The following KYAT1 variants were observed in gnomAD, a reference collection of about 807,000 sequenced individuals.
KYAT1 encodes kynurenine--oxoglutarate transaminase 1.
Under a neutral mutation model 52.4 loss-of-function variants are expected in KYAT1, and 47 were observed. The observed-to-expected ratio is 0.90, with a 90% confidence interval of 0.71 to 1.14. KYAT1 has a LOEUF of 1.14. Ranked by LOEUF, KYAT1 falls within the 50% of genes most tolerant of loss-of-function variation. KYAT1 has a pLI of 0.00. For missense variants in KYAT1, 480 were observed against 557.9 expected, an observed-to-expected ratio of 0.86 and a Z score of 1.41; for synonymous variants, 212 against 209.6, an observed-to-expected ratio of 1.01 and a Z score of -0.10.
Position 128,833,654 on chromosome 9 carries a change from A to C in KYAT1, c.1210-11T>G. ...GAGCGTGGCTTCATCCTGCGCCAGCACAGATTAGTCCTACACTCTCCCCAT... is the reference window on the plus strand; with the variant it reads ...GAGCGTGGCTTCATCCTGCGCCAGCCCAGATTAGTCCTACACTCTCCCCAT... On this transcript the variant is annotated splice_polypyrimidine_tract_variant and intron_variant, in intron 12 of 12. Coordinates refer to ENST00000302586, the MANE Select transcript of KYAT1 (RefSeq NM_004059.5). The C allele has an allele frequency of 6.2e-7, 1 of 1,614,228 alleles. No homozygotes were observed. The highest frequency in any genetic ancestry group is 8.5e-7 in the Non-Finnish European group (1 of 1,180,032).
At chr9:128,834,108 AT>A (rs1830578883) in intron 11 of KYAT1, among the ~76,000 whole-genome samples, 1 of 152,134 alleles carries the variant, frequency 6.6e-6, no homozygotes, top group Admixed American at 6.5e-5. Flanking sequence ...AAATACAAAA[AT>A]TGGCCGGGTG....
At chr9:128,875,903 G>A (rs1262293705) in intron 1 of KYAT1, among the ~76,000 whole-genome samples, 3 of 152,144 alleles carry the variant, frequency 2.0e-5, no homozygotes, top group Admixed American at 2.0e-4. Context: ...CCCTGGGCCC[G>A]TGGAATGCAT....
intron 1 of KYAT1, among the ~76,000 whole-genome samples, chr9:128,875,106 T>C (rs1282506563): frequency 6.6e-6 from 1 of 152,112 alleles, no homozygotes; most frequent in Non-Finnish European, 1.5e-5. Context: ...ACTTTCCTCA[T>C]TTATGTTGAT....
At chr9:128,871,853 C>T (rs538938179) in intron 1 of KYAT1, among the ~76,000 whole-genome samples, 5 of 152,158 alleles carry the variant, frequency 3.3e-5, no homozygotes, top group East Asian at 3.9e-4. Flanking sequence ...GTTGGCTGGG[C>T]GTGGTGGCTC....
chr9:128,848,500 T>C (rs1437056541), intron 1 of KYAT1, among the ~76,000 whole-genome samples: 1 of 152,066 alleles, frequency 6.6e-6, no homozygotes, highest in African/African-American at 2.4e-5. Flanking sequence ...ATGGTCACAA[T>C]TGCTATTTGA....
At chr9:128,866,157 C>G (rs369564548) in intron 1 of KYAT1, among the ~76,000 whole-genome samples, 4 of 152,144 alleles carry the variant, frequency 2.6e-5, no homozygotes, top group Non-Finnish European at 2.9e-5. Flanking sequence ...CTCCAAGGAG[C>G]GCACAATCTA....
intron 12 of KYAT1, 30 bp downstream of exon 12, chr9:128,833,710 G>C: frequency 1.2e-6 from 2 of 1,613,708 alleles, no homozygotes; most frequent in Non-Finnish European, 1.7e-6. Flanking sequence ...AGCTCTGTGA[G>C]GTCTTTCCTC....
chr9:128,876,470 T>C (rs1472236528), intron 1 of KYAT1, among the ~76,000 whole-genome samples: 2 of 146,782 alleles, frequency 1.4e-5, no homozygotes, highest in African/African-American at 5.0e-5. Flanking sequence ...CAGGCTGGAG[T>C]GCAGTGGCGT....
At chr9:128,846,923 G>T in intron 1 of KYAT1, 2 of 1,380,960 alleles carry the variant, frequency 1.4e-6, no homozygotes, top group Non-Finnish European at 2.0e-6. Flanking sequence ...AGTTCCCACT[G>T]CACTCTCACT....
At chr9:128,838,935 C>CA (rs1410668429) in intron 3 of KYAT1, among the ~76,000 whole-genome samples, 17 of 123,938 alleles carry the variant, frequency 1.4e-4, no homozygotes, top group South Asian at 5.6e-4. Context: ...GCGGGAGAGG[C>CA]TTTTATTTAT....
intron 1 of KYAT1, among the ~76,000 whole-genome samples, chr9:128,868,863 G>C (rs1312512457): frequency 6.6e-6 from 1 of 151,968 alleles, no homozygotes; most frequent in Non-Finnish European, 1.5e-5. Flanking sequence ...ACACCACCAT[G>C]CCCAGCTAAG....
In KYAT1 at chr9:128,838,374, G is replaced by C. The variant is rs1353107615; in HGVS notation, c.202-7C>G. On this transcript the variant is annotated splice_polypyrimidine_tract_variant and splice_region_variant and intron_variant, in intron 3 of 12. Coordinates refer to ENST00000302586, the MANE Select transcript of KYAT1 (RefSeq NM_004059.5). ...TCGTCAGTGGTGGGTAACCCTGCCA[G>C]GACAGCAGGGGTTAACTGTCCAGCT... The C allele has an allele frequency of 6.2e-7, 1 of 1,614,022 alleles. No individual in the cohort carries two copies.
At chr9:128,841,502 G>A (rs1319546245) in intron 3 of KYAT1, among the ~76,000 whole-genome samples, 3 of 151,172 alleles carry the variant, frequency 2.0e-5, no homozygotes, top group South Asian at 2.1e-4. Context: ...GACTCCAGCC[G>A]GGGCGACAGT....
At chr9:128,869,236 A>G (rs1311441491) in intron 1 of KYAT1, among the ~76,000 whole-genome samples, 1 of 151,662 alleles carries the variant, frequency 6.6e-6, no homozygotes, top group Non-Finnish European at 1.5e-5. Flanking sequence ...ATCTCGGCTC[A>G]CTGCAAGCTC....
At chr9:128,873,945 C>A (rs1301167882) in intron 1 of KYAT1, among the ~76,000 whole-genome samples, 17 of 105,840 alleles carry the variant, frequency 1.6e-4, no homozygotes, top group South Asian at 3.3e-4. Flanking sequence ...ATCTCCGTCT[C>A]AAAAAAAAAA....
chr9:128,875,124 C>T (rs972706835), intron 1 of KYAT1, among the ~76,000 whole-genome samples: 1 of 152,116 alleles, frequency 6.6e-6, no homozygotes, highest in Non-Finnish European at 1.5e-5. Context: ...GATAAGTTTG[C>T]CTTCAAGAAG....
At chr9:128,879,737 G>A (rs1304698160) in intron 1 of KYAT1, among the ~76,000 whole-genome samples, 1 of 152,166 alleles carries the variant, frequency 6.6e-6, no homozygotes, top group East Asian at 1.9e-4. Context: ...CTTCCTTGGA[G>A]AAGCCCCTTC....
intron 1 of KYAT1, among the ~76,000 whole-genome samples, chr9:128,860,947 C>T (rs1028077413): frequency 6.6e-6 from 1 of 152,102 alleles, no homozygotes; most frequent in African/African-American, 2.4e-5. Context: ...TCAAAGATCA[C>T]TGATCACAGA....
At chr9:128,837,928 T>A (rs1282667729) in intron 5 of KYAT1, 115 bp from the exon 6 acceptor site, 1 of 1,479,966 alleles carries the variant, frequency 6.8e-7, no homozygotes, top group East Asian at 2.3e-5. Flanking sequence ...ACCTCCCCTC[T>A]GCCCTCCCAG....
Sources: gnomAD v4.1 joint callset for allele counts (sites outside exome capture counted in the v4.1 genomes callset) on GRCh38, gnomAD v4.1.1 for gene constraint, MANE v1.5 for transcripts, NCBI Gene and HGNC (gene_info 2026-07-23, HGNC 2026-07-21) for gene names.